The following MRC1 variants were observed in gnomAD, a reference collection of about 807,000 sequenced individuals.
MRC1 encodes the protein macrophage mannose receptor 1.
In MRC1, 62 loss-of-function variants were observed where a neutral mutation model predicts 102.9. The ratio of observed to expected loss-of-function variants is 0.60; its 90% CI spans 0.49 to 0.74. The LOEUF (loss-of-function observed/expected upper bound fraction) is 0.74, where lower values mean the gene tolerates loss of function less well. Among genes scored for constraint, MRC1 ranks in the 30% least tolerant of loss-of-function variants. The pLI is 0.00. For synonymous variants in MRC1, 457 were observed against 298.4 expected (o/e 1.53, Z -5.48); for missense variants, 1,237 against 862.8 (o/e 1.43, Z -5.43).
chr10:17,842,433 A>G (rs1838765949), intron 5 of MRC1, among the ~76,000 whole-genome samples: 1 of 152,200 alleles, frequency 6.6e-6, no homozygotes, highest in Non-Finnish European at 1.5e-5. Context: ...ACTTCAACAT[A>G]TGATGGTTAC....
chr10:17,886,629 T>G (rs1197274491), intron 22 of MRC1, among the ~76,000 whole-genome samples: 1 of 152,202 alleles, frequency 6.6e-6, no homozygotes, highest in Non-Finnish European at 1.5e-5. Flanking sequence ...CTCCAACTCC[T>G]GACCTGAAGT....
intron 16 of MRC1, 102 bp downstream of exon 16, chr10:17,873,927 G>C: frequency 1.3e-6 from 1 of 797,326 alleles, no homozygotes; most frequent in Non-Finnish European, 2.3e-6. Context: ...GTAGAGAGCA[G>C]AAGTCCTTAA....
At chr10:17,820,509 C>T (rs1196927313) in intron 1 of MRC1, among the ~76,000 whole-genome samples, 2 of 152,144 alleles carry the variant, frequency 1.3e-5, no homozygotes, top group Non-Finnish European at 2.9e-5. Flanking sequence ...TGAACGCCTT[C>T]TCTTAAAAGA....
intron 8 of MRC1, among the ~76,000 whole-genome samples, chr10:17,853,598 GTGTATATA>G (rs1475637715): frequency 6.9e-6 from 1 of 144,080 alleles, no homozygotes; most frequent in Non-Finnish European, 1.5e-5. Flanking sequence ...GTGTGTGTGT[GTGTATATA>G]TATATATATG....
chr10:17,845,039 G>A (rs1838804711), intron 5 of MRC1: 2 of 741,322 alleles, frequency 2.7e-6, no homozygotes, highest in African/African-American at 1.7e-5. Flanking sequence ...GGGGGAAAGG[G>A]TTGTTTCAAA....
intron 28 of MRC1, among the ~76,000 whole-genome samples, chr10:17,908,706 T>C (rs1003553219): frequency 4.6e-5 from 7 of 152,030 alleles, no homozygotes; most frequent in Admixed American, 6.6e-5. Flanking sequence ...GTAGCTGGGA[T>C]TACAGGCGCA....
chr10:17,885,293 A>G lies in MRC1; in HGVS notation c.3005A>G (p.Asp1002Gly), dbSNP rs1405409282. Reference protein sequence around the residue: ...EQAFLTYHMKDSTFSAWTGLN... With the variant: ...EQAFLTYHMKGSTFSAWTGLN... ...GCATTTCTTACCTATCACATGAAGG[A>G]CTCCACTTTCAGTGCCTGGACTGGG... The change falls in exon 22 of 30, where the codon GAC becomes GGC. Residue 1002 changes from aspartate to glycine, a missense_variant. Transcript: ENST00000569591. 16 of 780,722 alleles carry G rather than the reference A, an allele frequency of 2.0e-5. No individual in the cohort carries two copies. The highest frequency in any genetic ancestry group is 3.1e-5 in the Non-Finnish European group (13 of 417,956). The allele number at this position is 780,722 out of a possible 1,614,324, so 48.4% of individuals were successfully genotyped here.
At position 17,823,326 on chromosome 10, in the gene MRC1, A is replaced by G. The variant is rs782514031; in HGVS notation, c.314A>G (p.Asp105Gly). 1.3e-6 allele frequency: 1 copy of G among 780,878 alleles called. No homozygotes were observed. The highest frequency in any genetic ancestry group is 2.4e-6 in the Non-Finnish European group (1 of 417,972). 48.4% of individuals were successfully genotyped at this position (780,878 alleles called of 1,614,324 possible). A position where few individuals can be genotyped will look rare whatever the true frequency, so the allele number is the denominator to read the frequency against. Residue 105 changes from aspartate to glycine, a missense_variant, in exon 2 of 30, where the codon GAC becomes GGC. Asp to Gly is a moderately conservative substitution (Grantham distance 94, BLOSUM62 -1). Transcript: ENST00000569591. ...SEFQKWECKN[D>G]TLLGIKGEDL... Reference sequence around the variant, plus strand: ...TTTCAGAAATGGGAGTGCAAAAATGACACACTTTTGGGGATCAAAGGAGAA... The same window carrying G: ...TTTCAGAAATGGGAGTGCAAAAATGGCACACTTTTGGGGATCAAAGGAGAA...
At chr10:17,856,105 G>A in intron 8 of MRC1, 137 bp from the exon 9 acceptor site, 1 of 673,578 alleles carries the variant, frequency 1.5e-6, no homozygotes, top group Non-Finnish European at 2.7e-6. Flanking sequence ...GGGAGGCAGA[G>A]GTTGCCATGA....
chr10:17,845,151 T>C, intron 5 of MRC1, 138 bp from the exon 6 acceptor site: 1 of 779,564 alleles, frequency 1.3e-6, no homozygotes, highest in East Asian at 2.4e-5. Context: ...CAGTAAATAT[T>C]TTTTTGTGAA....
At chr10:17,858,701 T>C (rs1833134922) in intron 9 of MRC1, among the ~76,000 whole-genome samples, 1 of 152,224 alleles carries the variant, frequency 6.6e-6, no homozygotes, top group Non-Finnish European at 1.5e-5. Context: ...TTGGCCAGGC[T>C]GATCTTGAAC....
chr10:17,816,661 C>A (rs1351774047), intron 1 of MRC1, among the ~76,000 whole-genome samples: 1 of 152,160 alleles, frequency 6.6e-6, no homozygotes, highest in African/African-American at 2.4e-5. Flanking sequence ...CCTGCATGCA[C>A]CTAAACAGCG....
intron 3 of MRC1, among the ~76,000 whole-genome samples, chr10:17,832,650 C>T (rs1838593760): frequency 1.3e-5 from 2 of 149,784 alleles, no homozygotes; most frequent in Admixed American, 6.6e-5. Flanking sequence ...TGCAGTGACG[C>T]GATCTCGGCT....
chr10:17,866,695 G>T lies in MRC1; in HGVS notation c.1917G>T (p.Thr639=). ...AEGVTHPPKP[T]TTPEPKCPED... is the part of the protein sequence containing the mutation. ...GAGTAACCCACCCACCGAAGCCCAC[G>T]ACGACTCCCGAACCCAAATGTCCGG... Residue 639 remains threonine (T), a synonymous_variant, in exon 12 of 30, where the codon ACG becomes ACT. Coordinates refer to ENST00000569591, the MANE Select transcript of MRC1 (RefSeq NM_002438.4). 1 of 780,824 alleles carries T rather than the reference G, an allele frequency of 1.3e-6. No homozygotes were observed. Among genetic ancestry groups the T allele is most frequent in the Non-Finnish European group, 2.4e-6 (1 of 417,952 alleles). The allele number at this position is 780,824 out of a possible 1,614,324, so 48.4% of individuals were successfully genotyped here. A position where few individuals can be genotyped will look rare whatever the true frequency, so the allele number is the denominator to read the frequency against.
intron 3 of MRC1, among the ~76,000 whole-genome samples, chr10:17,828,162 C>T (rs565407086): frequency 2.0e-4 from 30 of 152,286 alleles, no homozygotes; most frequent in South Asian, 4.1e-4. Context: ...CTGCAAGCTC[C>T]GCCTCCCGAG....
At chr10:17,868,148 C>A (rs1833304258) in intron 12 of MRC1, among the ~76,000 whole-genome samples, 1 of 152,216 alleles carries the variant, frequency 6.6e-6, no homozygotes, top group African/African-American at 2.4e-5. Context: ...AAGTCACATC[C>A]TTTCTGGAGA....
chr10:17,814,898 C>T (rs955619867), intron 1 of MRC1, among the ~76,000 whole-genome samples: 1 of 151,824 alleles, frequency 6.6e-6, no homozygotes, highest in Non-Finnish European at 1.5e-5. Context: ...CTCCTGACCT[C>T]AGGTGATCCC....
intron 26 of MRC1, among the ~76,000 whole-genome samples, chr10:17,906,676 T>C (rs1453596493): frequency 6.6e-6 from 1 of 152,198 alleles, no homozygotes; most frequent in Non-Finnish European, 1.5e-5. Flanking sequence ...GTTCAGTGCT[T>C]GTACTCAAAT....
At chr10:17,881,477 A>G (rs1273706764) in intron 21 of MRC1, among the ~76,000 whole-genome samples, 1 of 152,122 alleles carries the variant, frequency 6.6e-6, no homozygotes, top group Non-Finnish European at 1.5e-5. Context: ...TAAGCATTAG[A>G]GCTGGGAGTC....
Sources: gnomAD v4.1 joint callset for allele counts (sites outside exome capture counted in the v4.1 genomes callset) on GRCh38, gnomAD v4.1.1 for gene constraint, MANE v1.5 for transcripts, NCBI Gene and HGNC (gene_info 2026-07-23, HGNC 2026-07-21) for gene names.